The following OPHN1 variants were observed in gnomAD, a reference collection of about 807,000 sequenced individuals.
OPHN1 encodes oligophrenin 1.
A neutral mutation model predicts 60.7 loss-of-function variants in OPHN1; 11 were observed. The observed-to-expected ratio is 0.18, with a 90% CI of 0.11 to 0.30. OPHN1 has a LOEUF of 0.30. Ranked by LOEUF, OPHN1 falls within the 10% of genes least tolerant of loss-of-function variation. The probability of loss-of-function intolerance (pLI) is 1.00; values close to 1 mark genes in which losing one functional copy is unlikely to be tolerated. For missense variants in OPHN1, 449 were observed against 611.0 expected (o/e 0.73, Z 2.80); for synonymous variants, 226 against 222.6 (o/e 1.02, Z -0.14).
intron 5 of OPHN1, among the ~76,000 whole-genome samples, chrX:68,266,458 C>T (rs1464910578): frequency 9.0e-6 from 1 of 110,956 alleles, no homozygotes; most frequent in Non-Finnish European, 1.9e-5. Context: ...AAATAAAATC[C>T]TTTACAGACA....
At chrX:68,171,299 G>A (rs1036689011) in intron 15 of OPHN1, among the ~76,000 whole-genome samples, 2 of 110,445 alleles carry the variant, frequency 1.8e-5, no homozygotes, top group Non-Finnish European at 1.9e-5. Flanking sequence ...TTAAAAAAAT[G>A]AAAACATATA....
chrX:68,064,166 G>A lies in OPHN1; in HGVS notation c.1846C>T (p.His616Tyr), dbSNP rs767424142. ...GTGATAGTACCATTCGGTGTTTGAT[G>A]TTGGATTTCATCTAGGAAAAGTTGG... ...SLDESEDEIQHQTPNGTITSS... is the reference protein window; with the variant it reads ...SLDESEDEIQYQTPNGTITSS... The change falls in exon 21 of 25, where the codon CAT becomes TAT. Residue 616 changes from histidine to tyrosine, a missense_variant. His to Tyr is a moderately conservative substitution (Grantham distance 83). Around this residue, in one of 4 missense-constraint regions of OPHN1, gnomAD observed 184 missense variants for 160.5 expected, o/e 1.15. Coordinates refer to ENST00000355520, the MANE Select transcript of OPHN1 (RefSeq NM_002547.3). 14 of 1,209,034 alleles carry A rather than the reference G, an allele frequency of 1.2e-5. No homozygotes were observed. Among genetic ancestry groups the A allele is most frequent in the Non-Finnish European group, 8.9e-6 (8 of 894,791 alleles).
chrX:68,343,037 G>A (rs1400044143), intron 2 of OPHN1, among the ~76,000 whole-genome samples: 1 of 109,514 alleles, frequency 9.1e-6, no homozygotes, highest in Non-Finnish European at 1.9e-5. Context: ...CTTTGGGAGG[G>A]CGAGGCAGGT....
chrX:68,418,270 C>A (rs73634118), intron 2 of OPHN1, among the ~76,000 whole-genome samples: 4,819 of 111,282 alleles, frequency 0.043, 283 homozygotes, highest in African/African-American at 0.15. Flanking sequence ...GGGCAATTTT[C>A]AAAACAATGC....
intron 15 of OPHN1, among the ~76,000 whole-genome samples, chrX:68,148,036 A>G (rs1295765928): frequency 9.0e-6 from 1 of 111,420 alleles, no homozygotes; most frequent in Non-Finnish European, 1.9e-5. Flanking sequence ...GCTTAGTGCT[A>G]TGGACTGTGG....
chrX:68,092,604 T>C (rs969529828), intron 19 of OPHN1, among the ~76,000 whole-genome samples: 2 of 111,612 alleles, frequency 1.8e-5, no homozygotes, highest in Non-Finnish European at 3.8e-5. Context: ...TACAACGGTG[T>C]GAAAATCTCA....
intron 6 of OPHN1, among the ~76,000 whole-genome samples, chrX:68,216,809 A>C (rs1472677653): frequency 8.9e-6 from 1 of 112,007 alleles, no homozygotes; most frequent in Non-Finnish European, 1.9e-5. Flanking sequence ...AATCCCATTT[A>C]AAAGTGGGCA....
chrX:68,276,169 G>A (rs1169622427), intron 4 of OPHN1, among the ~76,000 whole-genome samples: 1 of 111,626 alleles, frequency 9.0e-6, no homozygotes, highest in African/African-American at 3.3e-5. Context: ...CCTTCCCAAA[G>A]TTTGCTGATT....
chrX:68,244,796 T>C (rs777619880), intron 5 of OPHN1, among the ~76,000 whole-genome samples: 1 of 111,914 alleles, frequency 8.9e-6, no homozygotes, highest in South Asian at 3.7e-4. Context: ...TGAATCCTCA[T>C]ACAAGCCTGT....
intron 15 of OPHN1, among the ~76,000 whole-genome samples, chrX:68,185,210 C>T: frequency 8.9e-6 from 1 of 112,504 alleles, no homozygotes; most frequent in Admixed American, 9.4e-5. Flanking sequence ...TTAACAAAAG[C>T]TATATTTTGT....
chrX:68,428,448 T>TA (rs2078870120), intron 2 of OPHN1, among the ~76,000 whole-genome samples: 1 of 111,434 alleles, frequency 9.0e-6, no homozygotes, highest in Non-Finnish European at 1.9e-5. Context: ...GTTCCCACTT[T>TA]TATGGCTCTC....
chrX:68,397,122 C>G (rs991127669), intron 2 of OPHN1, among the ~76,000 whole-genome samples: 2 of 112,519 alleles, frequency 1.8e-5, no homozygotes, highest in Non-Finnish European at 3.8e-5. Context: ...CCCTCCAGCA[C>G]AGTTCACCCA....
intron 5 of OPHN1, among the ~76,000 whole-genome samples, chrX:68,260,385 A>G (rs1429178452): frequency 6.3e-5 from 7 of 110,697 alleles, no homozygotes; most frequent in Non-Finnish European, 1.1e-4. Context: ...ATTTGCCACA[A>G]TGTATATATC....
At chrX:68,068,351 A>C in intron 20 of OPHN1, among the ~76,000 whole-genome samples, 1 of 107,971 alleles carries the variant, frequency 9.3e-6, no homozygotes, top group Non-Finnish European at 1.9e-5. Context: ...TGCACCTGTA[A>C]TCCCAGCTAC....
At chrX:68,345,102 G>T (rs1265332455) in intron 2 of OPHN1, among the ~76,000 whole-genome samples, 1 of 112,182 alleles carries the variant, frequency 8.9e-6, no homozygotes, top group East Asian at 2.8e-4. Flanking sequence ...ACTCTGTGGA[G>T]TACAAATTGT....
chrX:68,266,580 A>G (rs773098529), intron 5 of OPHN1, among the ~76,000 whole-genome samples: 10 of 111,878 alleles, frequency 8.9e-5, no homozygotes, highest in South Asian at 3.8e-4. Flanking sequence ...AAACATGCCA[A>G]ATTGTAAAGA....
chrX:68,337,025 C>T (rs975430247), intron 2 of OPHN1, among the ~76,000 whole-genome samples: 1 of 109,944 alleles, frequency 9.1e-6, no homozygotes, highest in Non-Finnish European at 1.9e-5. Context: ...CACACCACTG[C>T]ACTCCAGCCT....
Position 68,192,986 on chromosome X carries a change from C to T in OPHN1, c.1209G>A (p.Lys403=), listed in dbSNP as rs1231127797. The change falls in exon 15 of 25, where the codon AAG becomes AAA. Residue 403 remains lysine, a synonymous_variant. Coordinates refer to ENST00000355520, the MANE Select transcript of OPHN1 (RefSeq NM_002547.3). ...CINIIETKGI[K]TEGLYRTVGS... ...CCACAGTGCGGTACAACCCTTCTGTCTTGATCCCTAGTGGAGGAAAAAATC... is the reference window on the plus strand; with the variant it reads ...CCACAGTGCGGTACAACCCTTCTGTTTTGATCCCTAGTGGAGGAAAAAATC... 2.5e-6 allele frequency: 3 copies of T among 1,207,979 alleles called. No homozygotes were observed. The highest frequency in any genetic ancestry group is 3.5e-5 in the South Asian group (2 of 56,885).
intron 15 of OPHN1, among the ~76,000 whole-genome samples, chrX:68,188,776 T>C (rs2077474475): frequency 8.9e-6 from 1 of 111,970 alleles, no homozygotes; most frequent in African/African-American, 3.2e-5. Flanking sequence ...GTATTTATTA[T>C]CTATTTGTCC....
Sources: gnomAD v4.1 joint callset for allele counts (sites outside exome capture counted in the v4.1 genomes callset) on GRCh38, gnomAD v4.1.1 for gene constraint, gnomAD v4.1.1 regional missense constraint, MANE v1.5 for transcripts, NCBI Gene and HGNC (gene_info 2026-07-23, HGNC 2026-07-21) for gene names.